The following AKAP7 variants were observed in gnomAD, a reference collection of about 807,000 sequenced individuals.
The protein encoded by AKAP7 is A-kinase anchoring protein 7, also known as A kinase (PRKA) anchor protein 7.
Under a neutral mutation model 39.5 loss-of-function variants are expected in AKAP7, and 39 were observed. The observed-to-expected ratio is 0.99, with a 90% CI of 0.76 to 1.29. The LOEUF is 1.29. Ranked by LOEUF, AKAP7 falls within the 50% of genes most tolerant of loss-of-function variation. The pLI, the probability that AKAP7 is intolerant of heterozygous loss-of-function variation, is 0.00. For synonymous variants in AKAP7, 140 were observed against 139.1 expected (o/e 1.01, Z -0.05); for missense variants, 414 against 407.7 (o/e 1.02, Z -0.13).
intron 1 of AKAP7, chr6:131,137,612 G>A (rs1800676082): frequency 6.6e-6 from 1 of 152,036 alleles, no homozygotes; most frequent in Non-Finnish European, 1.5e-5. Context: ...TCTATCTCCT[G>A]ACTTCGTGAT....
chr6:131,165,263 TTAATA>T (rs767806916), intron 4 of AKAP7, 46 bp downstream of exon 4: 59 of 1,435,690 alleles, frequency 4.1e-5, no homozygotes, highest in Non-Finnish European at 5.2e-5. Context: ...AATTATTACT[TTAATA>T]TGAGTAAGCA....
intron 7 of AKAP7, among the ~76,000 whole-genome samples, chr6:131,274,868 C>T (rs1262411300): frequency 6.6e-6 from 1 of 152,302 alleles, no homozygotes; most frequent in African/African-American, 2.4e-5. Context: ...CTCCCTGCCT[C>T]TCCATCATCC....
intron 5 of AKAP7, among the ~76,000 whole-genome samples, chr6:131,181,453 T>G (rs17060098): frequency 0.027 from 4,130 of 152,324 alleles, 168 homozygotes; most frequent in African/African-American, 0.094. Flanking sequence ...TGTTCATCTT[T>G]CACCCATTCT....
chr6:131,167,335 G>T (rs1803606033), intron 4 of AKAP7, among the ~76,000 whole-genome samples: 1 of 152,098 alleles, frequency 6.6e-6, no homozygotes, highest in Non-Finnish European at 1.5e-5. Context: ...CTGGAAAAAT[G>T]GACCGAATTT....
Position 131,281,833 on chromosome 6 carries a change from C to T in AKAP7, c.*107C>T. On this transcript the variant is annotated 3_prime_UTR_variant, in exon 8 of 8. Coordinates refer to ENST00000431975, the MANE Select transcript of AKAP7 (RefSeq NM_016377.4). The surrounding 1 kb of genome is among the most constrained non-coding windows in gnomAD (Gnocchi z 4.0). Reference sequence around the variant, plus strand: ...CTGTTTAAGTTAAGTTTCTCTGGTGCAATCTGTGAAGATTGCCTAATACTT... The same window carrying T: ...CTGTTTAAGTTAAGTTTCTCTGGTGTAATCTGTGAAGATTGCCTAATACTT... The T allele has an allele frequency of 7.4e-7, 1 of 1,344,364 alleles. No individual in the cohort carries two copies. Among genetic ancestry groups the T allele is most frequent in the Non-Finnish European group, 9.6e-7 (1 of 1,042,622 alleles). 83.3% of individuals were successfully genotyped at this position (1,344,364 alleles called of 1,614,324 possible).
intron 5 of AKAP7, among the ~76,000 whole-genome samples, chr6:131,194,175 C>G (rs900365861): frequency 6.6e-6 from 1 of 151,940 alleles, no homozygotes; most frequent in African/African-American, 2.4e-5. Context: ...GCACTTAAAA[C>G]AATAAAATTC....
At chr6:131,169,981 C>G (rs1803874574) in intron 5 of AKAP7, among the ~76,000 whole-genome samples, 1 of 151,428 alleles carries the variant, frequency 6.6e-6, no homozygotes. Context: ...CTTTCTCTGC[C>G]CCCTCTTTCC....
At chr6:131,152,826 C>CAAAA (rs759814910) in intron 2 of AKAP7, among the ~76,000 whole-genome samples, 20 of 39,058 alleles carry the variant, frequency 5.1e-4, no homozygotes, top group Admixed American at 1.7e-3. Context: ...GACTCCATCT[C>CAAAA]AAAAAAAAAA....
At chr6:131,159,656 A>G (rs1802760659) in intron 2 of AKAP7, among the ~76,000 whole-genome samples, 1 of 152,216 alleles carries the variant, frequency 6.6e-6, no homozygotes, top group East Asian at 1.9e-4. Context: ...CCTAGAAGTT[A>G]CAAACATACC....
intron 5 of AKAP7, among the ~76,000 whole-genome samples, chr6:131,179,316 G>A (rs1804888506): frequency 6.6e-6 from 1 of 152,088 alleles, no homozygotes; most frequent in East Asian, 1.9e-4. Flanking sequence ...TGGGATTACA[G>A]GTGCCTGCCA....
At chr6:131,243,272 C>T (rs1811755175) in intron 7 of AKAP7, among the ~76,000 whole-genome samples, 1 of 152,170 alleles carries the variant, frequency 6.6e-6, no homozygotes, top group Non-Finnish European at 1.5e-5. Flanking sequence ...TGCATCCTAA[C>T]AGATACACAT....
chr6:131,271,968 T>TAAAG (rs1814323503), intron 7 of AKAP7, among the ~76,000 whole-genome samples: 1 of 152,160 alleles, frequency 6.6e-6, no homozygotes, highest in African/African-American at 2.4e-5. Context: ...CCATTGCTTT[T>TAAAG]AGGCAGGGAT....
At chr6:131,261,701 T>TA (rs1813354674) in intron 7 of AKAP7, among the ~76,000 whole-genome samples, 1 of 152,296 alleles carries the variant, frequency 6.6e-6, no homozygotes, top group African/African-American at 2.4e-5. Context: ...CATTTTTTTC[T>TA]AAAAAACTTC....
chr6:131,276,670 A>T (rs1468338361), intron 7 of AKAP7, among the ~76,000 whole-genome samples: 1 of 152,162 alleles, frequency 6.6e-6, no homozygotes, highest in Non-Finnish European at 1.5e-5. Context: ...GAGGTTTCTG[A>T]TAGTTAGAAT....
intron 7 of AKAP7, among the ~76,000 whole-genome samples, chr6:131,253,659 C>CTTAT (rs56220549): frequency 0.068 from 10,153 of 149,724 alleles, 422 homozygotes; most frequent in East Asian, 0.15. Context: ...ATGAGATCTA[C>CTTAT]TTATTTATTT....
chr6:131,240,607 C>T (rs1483751247), intron 7 of AKAP7, among the ~76,000 whole-genome samples: 4 of 152,198 alleles, frequency 2.6e-5, no homozygotes, highest in Non-Finnish European at 4.4e-5. Context: ...GGGGCAATGG[C>T]GGGTGCCCCT....
intron 7 of AKAP7, among the ~76,000 whole-genome samples, chr6:131,261,146 A>G (rs1321222354): frequency 6.6e-6 from 1 of 151,542 alleles, no homozygotes; most frequent in Non-Finnish European, 1.5e-5. Flanking sequence ...CAGTGAGCTG[A>G]GATTGCACCA....
intron 6 of AKAP7, among the ~76,000 whole-genome samples, chr6:131,204,198 T>A (rs929757958): frequency 1.3e-5 from 2 of 152,150 alleles, no homozygotes; most frequent in Non-Finnish European, 2.9e-5. Flanking sequence ...AAAGAAATAA[T>A]TTAAAAAGAG....
chr6:131,185,578 T>G lies in AKAP7; in HGVS notation c.590-13883T>G, dbSNP rs192350373. The G allele has an allele frequency of 2.1e-3, 361 of 168,616 alleles. 3 individuals are homozygous for G. In the Middle Eastern group the frequency reaches 0.032, roughly 15 times the overall value. The allele number at this position is 168,616 out of a possible 1,614,324, so 10.4% of individuals were successfully genotyped here. A position where few individuals can be genotyped will look rare whatever the true frequency, so the allele number is the denominator to read the frequency against. On this transcript the variant is annotated intron_variant, in intron 5 of 7. Transcript: ENST00000431975. ...TTTTGATTTGCAATTCCTTGATGAT[T>G]AGTGATGTTGAACATCTTTTCCTGT...
Sources: gnomAD v4.1 joint callset for allele counts (sites outside exome capture counted in the v4.1 genomes callset) on GRCh38, gnomAD v4.1.1 for gene constraint, Gnocchi (gnomAD v3.1) non-coding constraint, MANE v1.5 for transcripts, NCBI Gene and HGNC (gene_info 2026-07-23, HGNC 2026-07-21) for gene names.